The following WWOX variants were observed in gnomAD, a reference collection of about 807,000 sequenced individuals.
WWOX encodes the protein WW domain containing oxidoreductase.
In WWOX, 69 loss-of-function variants were observed where a neutral mutation model predicts 46.2. The observed-to-expected ratio is 1.49, with a 90% confidence interval of 1.23 to 1.82. The LOEUF is 1.82. Among genes scored for constraint, WWOX ranks in the 40% most tolerant of loss-of-function variants. The pLI is 0.00. For missense variants in WWOX, 919 were observed against 542.6 expected (o/e 1.69, Z -6.89); for synonymous variants, 359 against 202.6 (o/e 1.77, Z -6.56).
At chr16:78,198,888 G>T (rs956723691) in intron 5 of WWOX, among the ~76,000 whole-genome samples, 1 of 151,958 alleles carries the variant, frequency 6.6e-6, no homozygotes, top group Non-Finnish European at 1.5e-5. Flanking sequence ...ACAGTTCTTT[G>T]CTCTGGGAGT....
At chr16:78,882,003 G>A (rs2044352363) in intron 8 of WWOX, among the ~76,000 whole-genome samples, 1 of 152,098 alleles carries the variant, frequency 6.6e-6, no homozygotes, top group African/African-American at 2.4e-5. Context: ...GCGCATGCCT[G>A]TAATCCCAGC....
At chr16:78,145,474 A>T (rs968456609) in intron 4 of WWOX, among the ~76,000 whole-genome samples, 1 of 152,162 alleles carries the variant, frequency 6.6e-6, no homozygotes, top group Admixed American at 6.5e-5. Context: ...CATGGGAGAA[A>T]GATAAAGGCC....
chr16:78,980,127 C>G (rs554222473), intron 8 of WWOX, among the ~76,000 whole-genome samples: 2 of 152,284 alleles, frequency 1.3e-5, no homozygotes, highest in South Asian at 4.1e-4. Context: ...GACTCCATCT[C>G]AAATCAATCA....
At chr16:78,824,551 A>G (rs1366367332) in intron 8 of WWOX, among the ~76,000 whole-genome samples, 1 of 152,126 alleles carries the variant, frequency 6.6e-6, no homozygotes, top group Non-Finnish European at 1.5e-5. Context: ...GGGAAGAAAA[A>G]GAGGTTTAAT....
At chr16:78,225,992 T>C (rs916076919) in intron 5 of WWOX, among the ~76,000 whole-genome samples, 26 of 152,186 alleles carry the variant, frequency 1.7e-4, no homozygotes, top group Non-Finnish European at 2.9e-4. Context: ...ATACTGCTAT[T>C]CCTTTTACTG....
chr16:78,484,579 T>TG (rs1295047063), intron 8 of WWOX, among the ~76,000 whole-genome samples: 2 of 152,228 alleles, frequency 1.3e-5, no homozygotes, highest in African/African-American at 4.8e-5. Context: ...AAGCAGAAGT[T>TG]GGGTTTTACG....
intron 8 of WWOX, among the ~76,000 whole-genome samples, chr16:78,920,763 G>C (rs541707710): frequency 1.3e-5 from 2 of 152,102 alleles, no homozygotes; most frequent in Admixed American, 1.3e-4. Flanking sequence ...TGCAAAACAC[G>C]ACTTTTCTCT....
At chr16:78,879,640 G>A (rs542073849) in intron 8 of WWOX, among the ~76,000 whole-genome samples, 1 of 152,272 alleles carries the variant, frequency 6.6e-6, no homozygotes, top group East Asian at 1.9e-4. Flanking sequence ...CGCTTTGGGA[G>A]GCCGAGGCAG....
intron 8 of WWOX, among the ~76,000 whole-genome samples, chr16:79,069,566 T>G (rs1233587957): frequency 2.0e-5 from 3 of 152,006 alleles, no homozygotes; most frequent in Non-Finnish European, 4.4e-5. Context: ...AGGTTTTTTT[T>G]TTTTTTTAAA....
intron 8 of WWOX, among the ~76,000 whole-genome samples, chr16:78,981,493 A>G (rs1187653704): frequency 1.3e-5 from 2 of 151,096 alleles, no homozygotes; most frequent in Non-Finnish European, 2.9e-5. Context: ...GCTGGCATGC[A>G]GTGGCACAAT....
chr16:78,296,619 G>A (rs1331767360), intron 5 of WWOX, among the ~76,000 whole-genome samples: 1 of 151,284 alleles, frequency 6.6e-6, no homozygotes, highest in Non-Finnish European at 1.5e-5. Context: ...CTGTACACAG[G>A]GGAAATATGA....
At chr16:79,002,840 C>T (rs918578673) in intron 8 of WWOX, among the ~76,000 whole-genome samples, 6 of 152,166 alleles carry the variant, frequency 3.9e-5, no homozygotes, top group Non-Finnish European at 7.3e-5. Context: ...AGTTATACTA[C>T]CTCTTCGAGA....
intron 8 of WWOX, among the ~76,000 whole-genome samples, chr16:78,720,024 A>G (rs1036000609): frequency 1.3e-5 from 2 of 152,208 alleles, no homozygotes; most frequent in African/African-American, 4.8e-5. Flanking sequence ...TAAAAGCGTT[A>G]CTGTACATTT....
chr16:78,422,663 G>GTATGTATATATATATA lies in WWOX; in HGVS notation c.606-2204_606-2203insGTATATATATATATAT, dbSNP rs1555536293. ...GCCCAGCCTCCTGTTTTTTTTACAT[G>GTATGTATATATATATA]TATATATATATATATATATATACAC... On this transcript the variant is annotated intron_variant, in intron 6 of 8. Transcript: ENST00000566780. 1.2e-4 allele frequency among the ~76,000 whole-genome samples: 3 copies of GTATGTATATATATATA among 24,410 alleles called. 1 individual carries two copies. The highest frequency in any genetic ancestry group is 3.2e-4 in the Non-Finnish European group (3 of 9,240). 16.0% of individuals were successfully genotyped at this position (24,410 alleles called of 152,430 possible).
intron 8 of WWOX, among the ~76,000 whole-genome samples, chr16:78,511,449 G>C (rs1442607527): frequency 6.6e-6 from 1 of 152,196 alleles, no homozygotes; most frequent in Non-Finnish European, 1.5e-5. Flanking sequence ...CACGTTGCAG[G>C]CACGTTGAAT....
chr16:78,861,881 A>T (rs1326795239), intron 8 of WWOX, among the ~76,000 whole-genome samples: 1 of 152,240 alleles, frequency 6.6e-6, no homozygotes, highest in Non-Finnish European at 1.5e-5. Flanking sequence ...TCAAGGTTGT[A>T]ATATCCAGTG....
At chr16:78,973,177 G>C (rs2046505345) in intron 8 of WWOX, among the ~76,000 whole-genome samples, 3 of 152,278 alleles carry the variant, frequency 2.0e-5, no homozygotes, top group Middle Eastern at 6.8e-3. Flanking sequence ...TTATGAAGGA[G>C]TGAAATCCTA....
chr16:78,622,207 T>C (rs2046206190), intron 8 of WWOX, among the ~76,000 whole-genome samples: 1 of 152,182 alleles, frequency 6.6e-6, no homozygotes, highest in South Asian at 2.1e-4. Context: ...ACCAAGTTTC[T>C]AAGCTCGTGA....
chr16:78,667,666 GTC>G (rs2047363318), intron 8 of WWOX, among the ~76,000 whole-genome samples: 2 of 95,804 alleles, frequency 2.1e-5, no homozygotes, highest in African/African-American at 1.1e-4. Flanking sequence ...GTGAGACTCC[GTC>G]TCAAAAAAAA....
Sources: gnomAD v4.1 joint callset for allele counts (sites outside exome capture counted in the v4.1 genomes callset) on GRCh38, gnomAD v4.1.1 for gene constraint, MANE v1.5 for transcripts, NCBI Gene and HGNC (gene_info 2026-07-23, HGNC 2026-07-21) for gene names.